Variants in CNTLN observed in about 807,000 individuals in gnomAD.
CNTLN encodes the protein centlein, centrosomal protein.
A neutral mutation model predicts 180.0 loss-of-function variants in CNTLN; 212 were observed. The observed-to-expected ratio is 1.18, with a 90% CI of 1.05 to 1.32. The LOEUF (loss-of-function observed/expected upper bound fraction) is 1.32. Ranked by LOEUF, CNTLN falls within the 40% of genes most tolerant of loss-of-function variation. The pLI is 0.00. For synonymous variants in CNTLN, 722 were observed against 563.1 expected (o/e 1.28, Z -3.99); for missense variants, 2,095 against 1,610.9 (o/e 1.30, Z -5.14).
Position 17,502,879 on chromosome 9 carries a change from T to C in CNTLN, c.*227T>C, listed in dbSNP as rs1833827063. ...AGCATCTGATGGTCGAATACAAATA[T>C]TGCCACAAATCAGTGCAAACTTAAA... On this transcript the variant is annotated 3_prime_UTR_variant, in exon 26 of 26. Transcript: ENST00000380647. 4.0e-6 allele frequency: 1 copy of C among 247,752 alleles called. No individual in the cohort carries two copies. Among genetic ancestry groups the C allele is most frequent in the Non-Finnish European group, 7.6e-6 (1 of 131,020 alleles). The allele number at this position is 247,752 out of a possible 1,614,324, so 15.3% of individuals were successfully genotyped here.
At chr9:17,516,076 C>T in the CNTLN span, among the ~76,000 whole-genome samples, 1 of 152,184 alleles carries the variant, frequency 6.6e-6, no homozygotes, top group South Asian at 2.1e-4. Context: ...AGTTCTCTGT[C>T]TGGAATTCTG....
At position 17,357,822 on chromosome 9, in the gene CNTLN, G is replaced by T. The variant is rs180812889; in HGVS notation, c.1887-8795G>T. Among the ~76,000 whole-genome samples, 446 of 151,464 alleles carry T rather than the reference G, an allele frequency of 2.9e-3. 4 individuals are homozygous for T. The highest frequency in any genetic ancestry group is 0.01 in the African/African-American group (422 of 41,454). ...AATGTTGGGTTTGAACATCTGAATT[G>T]AATGCTAATGACTAAATAATAAAAT... On this transcript the variant is annotated intron_variant, in intron 12 of 25. Coordinates refer to ENST00000380647, the MANE Select transcript of CNTLN (RefSeq NM_017738.4).
At chr9:17,526,180 C>A in the CNTLN span, among the ~76,000 whole-genome samples, 1 of 152,138 alleles carries the variant, frequency 6.6e-6, no homozygotes, top group Non-Finnish European at 1.5e-5. Context: ...TGTGATCCAC[C>A]CACCTCGGCC....
At position 17,268,076 on chromosome 9, in the gene CNTLN, G is replaced by T. The variant is rs555989323; in HGVS notation, c.850-5657G>T. 2.0e-5 allele frequency among the ~76,000 whole-genome samples: 3 copies of T among 152,280 alleles called. No individual in the cohort carries two copies. In the East Asian group the frequency reaches 5.8e-4, roughly 29 times the overall value. On this transcript the variant is annotated intron_variant, in intron 5 of 25. Coordinates refer to ENST00000380647, the MANE Select transcript of CNTLN (RefSeq NM_017738.4). ...TCCATCCAGCTTTGTTCCGTTGCTGGTGAGGAGCTCTGTCCTTTGGAGGAG... is the reference window on the plus strand; with the variant it reads ...TCCATCCAGCTTTGTTCCGTTGCTGTTGAGGAGCTCTGTCCTTTGGAGGAG...
intron 25 of CNTLN, among the ~76,000 whole-genome samples, chr9:17,494,437 G>T (rs1304366400): frequency 6.6e-6 from 1 of 151,962 alleles, no homozygotes; most frequent in Non-Finnish European, 1.5e-5. Context: ...TCATGTCGTG[G>T]GGGTTTGTTG....
At chr9:17,448,062 C>T (rs1830550326) in intron 18 of CNTLN, 1 of 158,600 alleles carries the variant, frequency 6.3e-6, no homozygotes, top group Admixed American at 6.3e-5. Context: ...AATGAAAAGT[C>T]GCCTTTTCTG....
intron 6 of CNTLN, among the ~76,000 whole-genome samples, chr9:17,293,365 CA>C (rs1190369470): frequency 6.6e-6 from 1 of 152,200 alleles, no homozygotes; most frequent in East Asian, 1.9e-4. Flanking sequence ...TCAGAGCTGG[CA>C]GGGGGAAAGT....
chr9:17,404,638 A>G (rs530519795), intron 15 of CNTLN, among the ~76,000 whole-genome samples: 1 of 151,866 alleles, frequency 6.6e-6, no homozygotes, highest in East Asian at 1.9e-4. Context: ...TTTACCTAGT[A>G]GTCCTCTGTA....
intron 23 of CNTLN, among the ~76,000 whole-genome samples, chr9:17,481,912 C>T (rs1441556764): frequency 6.6e-6 from 1 of 152,194 alleles, no homozygotes; most frequent in Admixed American, 6.5e-5. Context: ...GTCTGCTGGC[C>T]TGTTCAGATC....
At chr9:17,291,840 C>T (rs1426625768) in intron 6 of CNTLN, among the ~76,000 whole-genome samples, 1 of 152,094 alleles carries the variant, frequency 6.6e-6, no homozygotes, top group African/African-American at 2.4e-5. Context: ...GAATTTGATC[C>T]TGTTATGATG....
chr9:17,267,328 G>T (rs909866841), intron 5 of CNTLN, among the ~76,000 whole-genome samples: 3 of 152,082 alleles, frequency 2.0e-5, no homozygotes, highest in Non-Finnish European at 4.4e-5. Context: ...GAAATTCTGG[G>T]TTGAAAATTA....
At chr9:17,376,179 CCTACT>C (rs779857161) in intron 13 of CNTLN, among the ~76,000 whole-genome samples, 1 of 152,096 alleles carries the variant, frequency 6.6e-6, no homozygotes, top group Non-Finnish European at 1.5e-5. Context: ...CATTTTATGT[CCTACT>C]CTTGCTGTTA....
chr9:17,427,116 C>T (rs938865463), intron 18 of CNTLN, among the ~76,000 whole-genome samples: 4 of 152,104 alleles, frequency 2.6e-5, no homozygotes, highest in East Asian at 3.9e-4. Flanking sequence ...TTGGCCTCTC[C>T]GAGCCCAAGG....
rs1014905126 is a variant in CNTLN, at chr9:17,294,394, C to G, written c.984-3796C>G. On this transcript the variant is annotated intron_variant, in intron 6 of 25. Coordinates refer to ENST00000380647, the MANE Select transcript of CNTLN (RefSeq NM_017738.4). The stretch of plus-strand genomic sequence containing the variant: ...GACAGGGTGCTGATTGGTGCGTTTA[C>G]AATCCCTGAGCTAGACACAAAAGTT... 2.7e-5 allele frequency among the ~76,000 whole-genome samples: 4 copies of G among 147,876 alleles called. No homozygotes were observed. In the South Asian group the frequency reaches 6.8e-4, roughly 25 times the overall value.
At chr9:17,338,120 CCTT>C (rs1259625345) in intron 10 of CNTLN, among the ~76,000 whole-genome samples, 1 of 142,598 alleles carries the variant, frequency 7.0e-6, no homozygotes, top group African/African-American at 2.6e-5. Flanking sequence ...TTCCCTCCCT[CCTT>C]CTTTCCTTCC....
chr9:17,368,228 G>A lies in CNTLN; in HGVS notation c.1987+1511G>A, dbSNP rs148291869. ...CTGGTAGTACTCCCTGTAGGACTGT[G>A]GTGGTGGTGACCACAGGCAGAGACT... is the stretch of plus-strand genomic sequence containing the variant. On this transcript the variant is annotated intron_variant, in intron 13 of 25. Coordinates refer to ENST00000380647, the MANE Select transcript of CNTLN (RefSeq NM_017738.4). Among the ~76,000 whole-genome samples, 432 of 152,260 alleles carry A rather than the reference G, an allele frequency of 2.8e-3. 4 individuals are homozygous for A. The highest frequency in any genetic ancestry group is 9.9e-3 in the African/African-American group (412 of 41,538).
chr9:17,373,312 A>G (rs1300101641), intron 13 of CNTLN, among the ~76,000 whole-genome samples: 1 of 152,206 alleles, frequency 6.6e-6, no homozygotes, highest in African/African-American at 2.4e-5. Context: ...AAAAATCAGT[A>G]TCATTTCTAT....
intron 6 of CNTLN, among the ~76,000 whole-genome samples, chr9:17,290,972 T>C (rs605469): frequency 0.47 from 71,566 of 151,512 alleles, 18,072 homozygotes; most frequent in African/African-American, 0.66. Flanking sequence ...CCGTCTTCTG[T>C]GTCGCTCATG....
chr9:17,299,675 A>G (rs1818211364), intron 7 of CNTLN: 1 of 979,554 alleles, frequency 1.0e-6, no homozygotes, highest in Admixed American at 6.3e-5. Flanking sequence ...ATGGGGTGAC[A>G]TTGCCCACTG....
Sources: gnomAD v4.1 joint callset for allele counts (sites outside exome capture counted in the v4.1 genomes callset) on GRCh38, gnomAD v4.1.1 for gene constraint, MANE v1.5 for transcripts, NCBI Gene and HGNC (gene_info 2026-07-23, HGNC 2026-07-21) for gene names.